The following NPTN variants were observed in gnomAD, a reference collection of about 807,000 sequenced individuals.
The protein encoded by NPTN is neuroplastin, also known as SDR-1.
Under a neutral mutation model 42.7 loss-of-function variants are expected in NPTN, and 5 were observed. That is an observed-to-expected ratio of 0.12 (90% CI 0.06 to 0.25). The LOEUF (loss-of-function observed/expected upper bound fraction) is 0.25. Among genes scored for constraint, NPTN ranks in the 10% least tolerant of loss-of-function variants. The pLI is 1.00. For synonymous variants in NPTN, 180 were observed against 201.9 expected, an observed-to-expected ratio of 0.89 and a Z score of 0.92; for missense variants, 307 against 525.4, an observed-to-expected ratio of 0.58 and a Z score of 4.06.
intron 4 of NPTN, among the ~76,000 whole-genome samples, chr15:73,582,959 C>T (rs1896127262): frequency 1.3e-5 from 2 of 152,190 alleles, no homozygotes; most frequent in Non-Finnish European, 2.9e-5. Context: ...GCTCCTCAAG[C>T]GTGCAGGCAG....
At chr15:73,616,496 T>C (rs1473246604) in intron 1 of NPTN, among the ~76,000 whole-genome samples, 3 of 152,172 alleles carry the variant, frequency 2.0e-5, no homozygotes, top group Non-Finnish European at 4.4e-5. Context: ...GCAGAACCCT[T>C]AGCTAGAATT....
rs1331561102 is a variant in NPTN at position 73,568,356 on chromosome 15, CT to C, written c.1114+1793del. 1.8e-5 allele frequency: 18 copies of C among 985,416 alleles called. No homozygotes were observed. In the Admixed American group the frequency reaches 9.2e-4, roughly 50 times the overall value. The allele number at this position is 985,416 out of a possible 1,614,324, so 61.0% of individuals were successfully genotyped here. On this transcript the variant is annotated intron_variant, in intron 6 of 8. Transcript: ENST00000345330. The stretch of plus-strand genomic sequence containing the variant: ...GAAGTCCATCTCTGCCTTCTCTTAC[CT>C]GACTTTTTAGCTTCTCAACCTTTCC...
chr15:73,585,745 C>A (rs1392848282), intron 4 of NPTN, among the ~76,000 whole-genome samples: 1 of 152,220 alleles, frequency 6.6e-6, no homozygotes, highest in Non-Finnish European at 1.5e-5. Context: ...TCAAGGTCTA[C>A]TTCTGTAAAA....
rs1389854563 is a variant in NPTN at position 73,560,673 on chromosome 15, G to GTACTT, written c.*385_*389dup. ...ACTGTATATATCTGTAGGTTTTGCT[G>GTACTT]TACTTTACAAAAGTGTATCACTAGA... is the stretch of plus-strand genomic sequence containing the variant. On this transcript the variant is annotated 3_prime_UTR_variant, in exon 9 of 9. Transcript: ENST00000345330. The GTACTT allele has an allele frequency of 5.3e-5, 8 of 150,600 alleles. No individual in the cohort carries two copies. The South Asian group carries it at 1.0e-3, about 20-fold the overall frequency. 9.3% of individuals were successfully genotyped at this position (150,600 alleles called of 1,614,324 possible).
At chr15:73,617,886 T>C (rs1897937779) in intron 1 of NPTN, among the ~76,000 whole-genome samples, 1 of 152,218 alleles carries the variant, frequency 6.6e-6, no homozygotes, top group Non-Finnish European at 1.5e-5. Flanking sequence ...CTACTGGTGT[T>C]TTTTTCTCCC....
rs577148783 is a variant in NPTN at position 73,630,994 on chromosome 15, T to C, written c.91+2131A>G. 1.9e-3 allele frequency among the ~76,000 whole-genome samples: 290 copies of C among 152,384 alleles called. 1 individual carries two copies. Among genetic ancestry groups the C allele is most frequent in the Non-Finnish European group, 3.3e-3 (225 of 68,046 alleles). On this transcript the variant is annotated intron_variant, in intron 1 of 8. Coordinates refer to ENST00000345330, the MANE Select transcript of NPTN (RefSeq NM_012428.4). ...CAGCTCAGCTTCATTTCATCGGTCA[T>C]GTCATGTGACTGAATTCAAGCTCAT...
intron 1 of NPTN, among the ~76,000 whole-genome samples, chr15:73,618,972 T>C (rs913165211): frequency 6.6e-6 from 1 of 151,512 alleles, no homozygotes; most frequent in Non-Finnish European, 1.5e-5. Flanking sequence ...GACAGGACGA[T>C]TGCTTGAGCC....
intron 6 of NPTN, among the ~76,000 whole-genome samples, chr15:73,566,601 G>A (rs940738475): frequency 9.2e-5 from 14 of 152,206 alleles, no homozygotes; most frequent in Non-Finnish European, 1.6e-4. Flanking sequence ...CTGGGGAGGG[G>A]AGACTCAGGA....
chr15:73,600,112 A>G (rs1341474988), intron 1 of NPTN, among the ~76,000 whole-genome samples: 2 of 152,214 alleles, frequency 1.3e-5, no homozygotes, highest in Admixed American at 1.3e-4. Context: ...CACTGCACAC[A>G]ACTGGGCGAG....
In NPTN at chr15:73,633,250, G is replaced by C. The variant is rs1443641504; in HGVS notation, c.-35C>G. 2.1e-6 allele frequency: 3 copies of C among 1,445,144 alleles called. No individual in the cohort carries two copies. Among genetic ancestry groups the C allele is most frequent in the East Asian group, 2.7e-5 (1 of 36,612 alleles). The allele number at this position is 1,445,144 out of a possible 1,614,324, so 89.5% of individuals were successfully genotyped here. On this transcript the variant is annotated 5_prime_UTR_variant, in exon 1 of 9. Transcript: ENST00000345330. ...CAGAAGACCCAACAGCGAATGGGCC[G>C]GGGCCAGAGCCGGGGCCGGGGAAGG...
chr15:73,621,347 A>G (rs1898130961), intron 1 of NPTN, among the ~76,000 whole-genome samples: 1 of 152,248 alleles, frequency 6.6e-6, no homozygotes, highest in Admixed American at 6.5e-5. Flanking sequence ...AAAAGAGCCA[A>G]CCTTGAAATA....
chr15:73,597,431 C>T lies in NPTN; in HGVS notation c.92-62G>A. 8.2e-7 allele frequency: 1 copy of T among 1,226,734 alleles called. No homozygotes were observed. The highest frequency in any genetic ancestry group is 1.1e-6 in the Non-Finnish European group (1 of 874,168). The allele number at this position is 1,226,734 out of a possible 1,614,324, so 76.0% of individuals were successfully genotyped here. A position where few individuals can be genotyped will look rare whatever the true frequency, so the allele number is the denominator to read the frequency against. On this transcript the variant is annotated intron_variant, in intron 1 of 8. Transcript: ENST00000345330. This position sits in a 1 kb window ranked among gnomAD's most constrained non-coding sequence, Gnocchi z 6.3. Reference sequence around the variant, plus strand: ...AATCAGAAAAAAAAAAAAGAATCAACAGGTGTTAATAGTAATTTAAAGAAA... The same window carrying T: ...AATCAGAAAAAAAAAAAAGAATCAATAGGTGTTAATAGTAATTTAAAGAAA...
rs61683372 is a variant in NPTN at position 73,619,062 on chromosome 15, C to CAAAA, written c.91+14059_91+14062dup. On this transcript the variant is annotated intron_variant, in intron 1 of 8. Transcript: ENST00000345330. The stretch of plus-strand genomic sequence containing the variant: ...CAAACACAGCAGCAAGACCCTGTCT[C>CAAAA]AAAAAAAAAAAAAAAAAAATAGTAA... 8.7e-3 allele frequency among the ~76,000 whole-genome samples: 534 copies of CAAAA among 61,150 alleles called. 5 individuals are homozygous for CAAAA. The highest frequency in any genetic ancestry group is 0.026 in the African/African-American group (512 of 19,490). 40.1% of individuals were successfully genotyped at this position (61,150 alleles called of 152,430 possible).
chr15:73,618,834 C>CAAAGA (rs758033897), intron 1 of NPTN, among the ~76,000 whole-genome samples: 22 of 151,978 alleles, frequency 1.4e-4, no homozygotes, highest in Non-Finnish European at 2.4e-4. Flanking sequence ...GATCCTGTCT[C>CAAAGA]AAACAAAACA....
At chr15:73,611,925 G>A (rs904226124) in intron 1 of NPTN, among the ~76,000 whole-genome samples, 5 of 152,044 alleles carry the variant, frequency 3.3e-5, no homozygotes, top group African/African-American at 7.2e-5. Flanking sequence ...AAATGCAGTC[G>A]ATTTTTTTAA....
At chr15:73,599,330 G>A (rs1896971469) in intron 1 of NPTN, among the ~76,000 whole-genome samples, 1 of 152,070 alleles carries the variant, frequency 6.6e-6, no homozygotes, top group Non-Finnish European at 1.5e-5. Context: ...AAGAAGTAAA[G>A]GAGGGCCGGG....
chr15:73,610,604 A>G (rs1016586479), intron 1 of NPTN, among the ~76,000 whole-genome samples: 3 of 152,052 alleles, frequency 2.0e-5, no homozygotes, highest in African/African-American at 7.2e-5. Flanking sequence ...AGCTAAACCA[A>G]CTCCCACTCT....
intron 4 of NPTN, among the ~76,000 whole-genome samples, chr15:73,577,052 A>G (rs549234090): frequency 1.3e-5 from 2 of 152,312 alleles, no homozygotes; most frequent in African/African-American, 4.8e-5. Flanking sequence ...GAAGTCCCCA[A>G]ACTAATGCTT....
At chr15:73,568,596 GAGA>G in intron 6 of NPTN, 1 of 985,424 alleles carries the variant, frequency 1.0e-6, no homozygotes, top group Non-Finnish European at 1.2e-6. Flanking sequence ...AATACCTGGA[GAGA>G]AAAAGCATTA....
Sources: allele counts gnomAD v4.1 joint callset (sites outside exome capture counted in the v4.1 genomes callset), GRCh38; gene constraint gnomAD v4.1.1; non-coding constraint Gnocchi (gnomAD v3.1); transcripts MANE v1.5; gene names NCBI Gene and HGNC (gene_info 2026-07-23, HGNC 2026-07-21).